The following WDR45 variants were observed in gnomAD, a reference collection of about 807,000 sequenced individuals.
WDR45 encodes the protein WD repeat domain phosphoinositide-interacting protein 4.
Under a neutral mutation model 27.3 loss-of-function variants are expected in WDR45, and 2 were observed. The ratio of observed to expected loss-of-function variants is 0.07; its 90% CI spans 0.03 to 0.23. The LOEUF is 0.23. Among genes scored for constraint, WDR45 ranks in the 10% least tolerant of loss-of-function variants. The pLI is 1.00. For missense variants in WDR45, 175 were observed against 311.9 expected (o/e 0.56, Z 3.31); for synonymous variants, 99 against 119.2 (o/e 0.83, Z 1.11).
upstream of WDR45, chrX:49,079,941 C>T (rs2065059341): frequency 8.8e-6 from 1 of 113,037 alleles, no homozygotes; most frequent in Non-Finnish European, 1.9e-5. Flanking sequence ...TGACTCACCC[C>T]AGCTGGAAAA....
At chrX:49,084,053 CTTTTTTT>C (rs1173932347), upstream of WDR45, among the ~76,000 whole-genome samples, 11 of 74,900 alleles carry the variant, frequency 1.5e-4, no homozygotes, top group East Asian at 4.8e-4. Flanking sequence ...TTTCTTTTTT[CTTTTTTT>C]TTTTTTTTTG....
chrX:49,096,097 T>A (rs1185177778), intron 2 of WDR45, among the ~76,000 whole-genome samples: 2 of 110,081 alleles, frequency 1.8e-5, no homozygotes, highest in Non-Finnish European at 3.8e-5. Flanking sequence ...CTATCCATGT[T>A]CTCTTGGGAA....
chrX:49,091,981 C>T lies in WDR45; in HGVS notation c.-18+8224G>A, dbSNP rs2065108465. 5.7e-5 allele frequency among the ~76,000 whole-genome samples: 6 copies of T among 105,713 alleles called. 1 individual carries two copies. The Admixed American group carries it at 6.3e-4, about 11-fold the overall frequency. The allele number at this position is 105,713 out of a possible 115,157, so 91.8% of individuals were successfully genotyped here. On this transcript the variant is annotated intron_variant, in intron 2 of 11. Coordinates refer to the WDR45 transcript ENST00000356463. ...CCGTCTCTACAAAAAATTAGCCAGG[C>T]GTGGTGGCACTTGCCTGTAGTCCCA...
chrX:49,083,449 G>C (rs1213513697), upstream of WDR45, among the ~76,000 whole-genome samples: 1 of 107,289 alleles, frequency 9.3e-6, no homozygotes, highest in Non-Finnish European at 1.9e-5. Flanking sequence ...TTCTCCTGTA[G>C]CCTTAATTAT....
At chrX:49,087,137 C>T (rs1448896458) in intron 2 of WDR45, among the ~76,000 whole-genome samples, 1 of 108,822 alleles carries the variant, frequency 9.2e-6, no homozygotes, top group African/African-American at 3.3e-5. Flanking sequence ...GCAGGCAGAT[C>T]ACCTAAGGTC....
Position 49,095,672 on chromosome X carries a change from G to C in WDR45, c.-18+4533C>G, listed in dbSNP as rs2065122537. ...AGACGGGGTTTCACCATGTTAGCCAGGATGGTCTCGATCTCCTGACCTCAT... is the reference window on the plus strand; with the variant it reads ...AGACGGGGTTTCACCATGTTAGCCACGATGGTCTCGATCTCCTGACCTCAT... On this transcript the variant is annotated intron_variant, in intron 2 of 11. Transcript: ENST00000356463. 3.8e-5 allele frequency among the ~76,000 whole-genome samples: 4 copies of C among 106,235 alleles called. 1 individual carries two copies. The South Asian group carries it at 1.7e-3, about 46-fold the overall frequency. 92.3% of individuals were successfully genotyped at this position (106,235 alleles called of 115,157 possible).
intron 1 of WDR45, chrX:49,079,140 CT>C (rs1557084723): frequency 9.1e-6 from 1 of 110,358 alleles, no homozygotes. Flanking sequence ...AGGATTCCCC[CT>C]AGCACTCTAA....
At chrX:49,081,748 C>A (rs2065068093), upstream of WDR45, among the ~76,000 whole-genome samples, 1 of 107,852 alleles carries the variant, frequency 9.3e-6, no homozygotes, top group African/African-American at 3.4e-5. Context: ...ATTTGGGAGG[C>A]CGAGGCAGGT....
Position 49,076,698 on chromosome X carries a change from C to T in WDR45, c.288G>A (p.Val96=). ...CTGGCTTGGTGAAGGTGAACTCCAG[C>T]ACCAGCTTCTCCTTGGAGTCCTTGC... The part of the protein sequence containing the change: ...REGKDSKEKL[V]LEFTFTKPVL... The change falls in exon 5 of 11, where the codon GTG becomes GTA. Residue 96 remains valine (V), a synonymous_variant. Coordinates refer to ENST00000376372, the MANE Select transcript of WDR45 (RefSeq NM_001029896.2). 1 of 1,210,764 alleles carries T rather than the reference C, an allele frequency of 8.3e-7. No individual in the cohort carries two copies. Among genetic ancestry groups the T allele is most frequent in the South Asian group, 1.8e-5 (1 of 56,800 alleles).
Position 49,076,542 on chromosome X carries a change from C to G in WDR45, c.342-18G>C, listed in dbSNP as rs2065038760. The G allele has an allele frequency of 8.3e-7, 1 of 1,210,386 alleles. No homozygotes were observed. The highest frequency in any genetic ancestry group is 1.1e-6 in the Non-Finnish European group (1 of 894,086). On this transcript the variant is annotated intron_variant, in intron 5 of 10. Transcript: ENST00000376372. ...TCACGATCCTGTGGGTATCACACAACACAGGATGGCCGTGAGGGGGTGGCG... is the reference window on the plus strand; with the variant it reads ...TCACGATCCTGTGGGTATCACACAAGACAGGATGGCCGTGAGGGGGTGGCG...
intron 2 of WDR45, among the ~76,000 whole-genome samples, chrX:49,085,288 G>A (rs781859969): frequency 2.5e-4 from 28 of 111,884 alleles, no homozygotes; most frequent in African/African-American, 8.1e-4. Context: ...GGATTGGAGG[G>A]AACAGGTCCT....
chrX:49,083,339 C>G (rs868971525), upstream of WDR45, among the ~76,000 whole-genome samples: 1 of 43,469 alleles, frequency 2.3e-5, no homozygotes, highest in Non-Finnish European at 3.7e-5. Context: ...TTTTTTTTTT[C>G]TCCATCTCTG....
chrX:49,078,575 C>A, intron 1 of WDR45, among the ~76,000 whole-genome samples: 1 of 111,870 alleles, frequency 8.9e-6, no homozygotes, highest in Non-Finnish European at 1.9e-5. Flanking sequence ...CTCTAAGCTC[C>A]CAAGATCCCA....
In WDR45 at chrX:49,095,759, C is replaced by CTTTTT. The variant is rs1204267334; in HGVS notation, c.-18+4441_-18+4445dup. Among the ~76,000 whole-genome samples, 48 of 26,154 alleles carry CTTTTT rather than the reference C, an allele frequency of 1.8e-3. 5 individuals carry two copies. Among genetic ancestry groups the CTTTTT allele is most frequent in the African/African-American group, 6.5e-3 (40 of 6,127 alleles). The allele number at this position is 26,154 out of a possible 115,157, so 22.7% of individuals were successfully genotyped here. ...ACAGGTGTGAGCCACCGTGCCCGGC[C>CTTTTT]TTTTTTTTTTTTTTTTTTTTTTTTG... On this transcript the variant is annotated intron_variant, in intron 2 of 11. Coordinates refer to the WDR45 transcript ENST00000356463.
chrX:49,089,742 G>A (rs1388188885), intron 2 of WDR45, among the ~76,000 whole-genome samples: 2 of 101,232 alleles, frequency 2.0e-5, no homozygotes, highest in Admixed American at 1.1e-4. Context: ...AGCTGAGATC[G>A]GGCCACTGCA....
At chrX:49,092,045 C>G (rs1235855532) in intron 2 of WDR45, among the ~76,000 whole-genome samples, 2 of 86,979 alleles carry the variant, frequency 2.3e-5, no homozygotes, top group Non-Finnish European at 4.2e-5. Flanking sequence ...CGCTTGAACC[C>G]GGGAGGCGGA....
rs782026044 is a variant in WDR45, at chrX:49,077,449, C to T, written c.235+194G>A. 45 of 476,265 alleles carry T rather than the reference C, an allele frequency of 9.4e-5. No individual in the cohort carries two copies. The Admixed American group carries it at 1.5e-3, about 15-fold the overall frequency. The allele number at this position is 476,265 out of a possible 1,213,427, so 39.2% of individuals were successfully genotyped here. ...TAGGGCATGGCACACAGGAGGCACT[C>T]AATCAGAATTTTTAAAATGAAAACA... On this transcript the variant is annotated intron_variant, in intron 4 of 10. Transcript: ENST00000376372.
At chrX:49,076,609 C>T (rs782558946) in intron 5 of WDR45, 36 bp downstream of exon 5, 2 of 1,198,942 alleles carry the variant, frequency 1.7e-6, no homozygotes, top group Non-Finnish European at 2.3e-6. Flanking sequence ...ACTGTGGGGA[C>T]CTCCTACCTC....
chrX:49,076,295 A>C, intron 6 of WDR45, 135 bp downstream of exon 6: 1 of 690,442 alleles, frequency 1.4e-6, no homozygotes, highest in Non-Finnish European at 2.2e-6. Flanking sequence ...TGGAGAGGCT[A>C]TGAGTGTGAG....
Sources: allele counts gnomAD v4.1 joint callset (sites outside exome capture counted in the v4.1 genomes callset), GRCh38; gene constraint gnomAD v4.1.1; transcripts MANE v1.5; gene names NCBI Gene and HGNC (gene_info 2026-07-23, HGNC 2026-07-21).